The following ZNF804A variants were observed in gnomAD, a reference collection of about 807,000 sequenced individuals.
The protein encoded by ZNF804A is zinc finger protein 804A.
In ZNF804A, 2 loss-of-function variants were observed where a neutral mutation model predicts 16.5. The ratio of observed to expected loss-of-function variants is 0.12; its 90% CI spans 0.05 to 0.38. The LOEUF is 0.38. Ranked by LOEUF, ZNF804A falls within the 10% of genes least tolerant of loss-of-function variation. The pLI is 0.99. For synonymous variants in ZNF804A, 534 were observed against 489.6 expected, an observed-to-expected ratio of 1.09 and a Z score of -1.20; for missense variants, 1,473 against 1,390.7, an observed-to-expected ratio of 1.06 and a Z score of -0.94.
intron 1 of ZNF804A, among the ~76,000 whole-genome samples, chr2:184,741,364 C>A (rs1184636272): frequency 2.0e-5 from 3 of 152,134 alleles, no homozygotes; most frequent in Non-Finnish European, 4.4e-5. Flanking sequence ...ACTATTTGCA[C>A]AAAATATTAC....
At chr2:184,731,679 C>T (rs1458940692) in intron 1 of ZNF804A, among the ~76,000 whole-genome samples, 4 of 150,960 alleles carry the variant, frequency 2.6e-5, no homozygotes, top group Admixed American at 1.3e-4. Context: ...AAGTGATCCT[C>T]CCACCTCAGC....
intron 1 of ZNF804A, among the ~76,000 whole-genome samples, chr2:184,621,147 A>G (rs964925299): frequency 2.0e-5 from 3 of 151,718 alleles, no homozygotes; most frequent in Admixed American, 6.6e-5. Flanking sequence ...ATTATCTCAT[A>G]CATTTTTAGT....
intron 1 of ZNF804A, among the ~76,000 whole-genome samples, chr2:184,859,254 G>A (rs1366056428): frequency 6.6e-6 from 1 of 151,680 alleles, no homozygotes; most frequent in African/African-American, 2.4e-5. Context: ...TGTGCTGCTT[G>A]ATGCTGTTCA....
intron 1 of ZNF804A, among the ~76,000 whole-genome samples, chr2:184,632,560 T>C (rs1054641744): frequency 1.3e-5 from 2 of 152,164 alleles, no homozygotes; most frequent in Non-Finnish European, 2.9e-5. Flanking sequence ...CACGCCTGGC[T>C]AATTTTTGTA....
chr2:184,898,792 A>G (rs1685130690), intron 2 of ZNF804A, among the ~76,000 whole-genome samples: 1 of 152,006 alleles, frequency 6.6e-6, no homozygotes, highest in African/African-American at 2.4e-5. Flanking sequence ...CAAAGAAGAA[A>G]TATCTATGAA....
rs575428162 is a variant in ZNF804A at position 184,880,703 on chromosome 2, C to A, written c.255+14191C>A. On this transcript the variant is annotated intron_variant, in intron 2 of 3. Transcript: ENST00000302277. ...GATAGAAATTTATTGGCTGACATGT[C>A]TGGAAGCAGGGAAGTTCAAGATTAA... Among the ~76,000 whole-genome samples, 32 of 152,024 alleles carry A rather than the reference C, an allele frequency of 2.1e-4. No homozygotes were observed. The South Asian group carries it at 5.8e-3, about 28-fold the overall frequency.
chr2:184,936,588 A>G lies in ZNF804A; in HGVS notation c.1192A>G (p.Thr398Ala). 6.2e-7 allele frequency: 1 copy of G among 1,614,038 alleles called. No homozygotes were observed. The highest frequency in any genetic ancestry group is 2.2e-5 in the East Asian group (1 of 44,854). Reference sequence around the variant, plus strand: ...GGTTGAAAATAAAAATGGTCCCGAGACATTGGCCCCTTCAAATACTGAAGA... The same window carrying G: ...GGTTGAAAATAAAAATGGTCCCGAGGCATTGGCCCCTTCAAATACTGAAGA... Reference protein sequence around the residue: ...TEVENKNGPETLAPSNTEEVN... With the variant: ...TEVENKNGPEALAPSNTEEVN... Residue 398 changes from threonine to alanine, a missense_variant, in exon 4 of 4, where the codon ACA becomes GCA. Physicochemically the swap from Thr to Ala is moderately conservative, Grantham distance 58 (BLOSUM62 0). Coordinates refer to ENST00000302277, the MANE Select transcript of ZNF804A (RefSeq NM_194250.2).
intron 2 of ZNF804A, among the ~76,000 whole-genome samples, chr2:184,893,481 G>C (rs528547513): frequency 6.6e-6 from 1 of 152,044 alleles, no homozygotes; most frequent in Admixed American, 6.5e-5. Flanking sequence ...TCAGCAAATT[G>C]CTAGGATCAT....
At chr2:184,793,674 A>C (rs758882548) in intron 1 of ZNF804A, among the ~76,000 whole-genome samples, 2 of 152,044 alleles carry the variant, frequency 1.3e-5, no homozygotes, top group African/African-American at 2.4e-5. Flanking sequence ...TCATAACCGG[A>C]GCATTATACA....
intron 1 of ZNF804A, among the ~76,000 whole-genome samples, chr2:184,814,906 A>T (rs956947551): frequency 3.3e-5 from 5 of 152,020 alleles, no homozygotes. Context: ...AGGGCCTGAC[A>T]TTTTTAAATA....
intron 1 of ZNF804A, among the ~76,000 whole-genome samples, chr2:184,759,041 T>C (rs926252065): frequency 6.6e-6 from 1 of 151,576 alleles, no homozygotes. Flanking sequence ...ATAGAAGTGC[T>C]TATAGAATGT....
At chr2:184,789,142 A>G (rs1356640697) in intron 1 of ZNF804A, among the ~76,000 whole-genome samples, 1 of 152,012 alleles carries the variant, frequency 6.6e-6, no homozygotes, top group Non-Finnish European at 1.5e-5. Flanking sequence ...GATCATGATT[A>G]TTGTTTTGTG....
At chr2:184,632,570 A>G (rs1156982882) in intron 1 of ZNF804A, among the ~76,000 whole-genome samples, 1 of 151,980 alleles carries the variant, frequency 6.6e-6, no homozygotes, top group Non-Finnish European at 1.5e-5. Flanking sequence ...TAATTTTTGT[A>G]TTTTTTAGTA....
chr2:184,774,962 A>G (rs1462226743), intron 1 of ZNF804A, among the ~76,000 whole-genome samples: 2 of 151,550 alleles, frequency 1.3e-5, no homozygotes, highest in Non-Finnish European at 3.0e-5. Context: ...TTTGCACTTT[A>G]CATGAAAATG....
chr2:184,900,582 G>T (rs1385328026), intron 2 of ZNF804A, among the ~76,000 whole-genome samples: 1 of 151,906 alleles, frequency 6.6e-6, no homozygotes, highest in African/African-American at 2.4e-5. Context: ...CATGTCCTGG[G>T]TGTATTAATG....
At chr2:184,886,342 C>A (rs1684890415) in intron 2 of ZNF804A, among the ~76,000 whole-genome samples, 1 of 152,216 alleles carries the variant, frequency 6.6e-6, no homozygotes, top group South Asian at 2.1e-4. Flanking sequence ...TGGGTACAGC[C>A]TCCCTCCCAG....
chr2:184,705,495 T>G (rs1693010225), intron 1 of ZNF804A, among the ~76,000 whole-genome samples: 1 of 152,174 alleles, frequency 6.6e-6, no homozygotes, highest in African/African-American at 2.4e-5. Flanking sequence ...ATTTTCATAT[T>G]TAATAAATGT....
chr2:184,808,525 A>G (rs946667214), intron 1 of ZNF804A, among the ~76,000 whole-genome samples: 3 of 151,612 alleles, frequency 2.0e-5, no homozygotes, highest in African/African-American at 7.2e-5. Context: ...GATTTAGAAT[A>G]ATACATATAT....
intron 1 of ZNF804A, among the ~76,000 whole-genome samples, chr2:184,847,135 C>A (rs1695531945): frequency 6.6e-6 from 1 of 152,068 alleles, no homozygotes. Context: ...ATTAACGTAT[C>A]TTTCTTTATT....
Sources: allele counts gnomAD v4.1 joint callset (sites outside exome capture counted in the v4.1 genomes callset), GRCh38; gene constraint gnomAD v4.1.1; transcripts MANE v1.5; gene names NCBI Gene and HGNC (gene_info 2026-07-23, HGNC 2026-07-21).